CEP192: variants seen among roughly 807,000 people sequenced by gnomAD.
CEP192 encodes centrosomal protein 192.
A neutral mutation model predicts 271.8 loss-of-function variants in CEP192; 151 were observed. That is an observed-to-expected ratio of 0.56 (90% CI 0.49 to 0.64). CEP192 has a LOEUF of 0.64. Ranked by LOEUF, CEP192 falls within the 30% of genes least tolerant of loss-of-function variation. The pLI, the probability that CEP192 is intolerant of heterozygous loss-of-function variation, is 0.00. For missense variants in CEP192, 2,910 were observed against 3,020.5 expected (o/e 0.96, Z 0.86); for synonymous variants, 995 against 1,076.5 (o/e 0.92, Z 1.48).
At chr18:13,048,320 G>A (rs1446377674) in intron 15 of CEP192, among the ~76,000 whole-genome samples, 3 of 152,116 alleles carry the variant, frequency 2.0e-5, no homozygotes, top group African/African-American at 4.8e-5. Flanking sequence ...CTTGTTGCCC[G>A]TTAGTCACTT....
At chr18:13,022,998 G>A (rs1478773616) in intron 9 of CEP192, among the ~76,000 whole-genome samples, 29 of 152,176 alleles carry the variant, frequency 1.9e-4, no homozygotes, top group Admixed American at 1.9e-3. Flanking sequence ...CATTGCTAGT[G>A]TATAGGAAAG....
Position 13,105,107 on chromosome 18 carries a change from A to T in CEP192, c.7047+28A>T, listed in dbSNP as rs191013396. The stretch of plus-strand genomic sequence containing the variant: ...AGGTTTTGATATTTTTTTCCATAGG[A>T]ACATCATGTAAATTGTCCAGGAGTG... On this transcript the variant is annotated intron_variant, in intron 40 of 44. Coordinates refer to ENST00000506447, the MANE Select transcript of CEP192 (RefSeq NM_032142.4). The T allele has an allele frequency of 1.3e-5, 19 of 1,492,256 alleles. No homozygotes were observed. In the East Asian group the frequency reaches 2.7e-4, roughly 21 times the overall value. 92.4% of individuals were successfully genotyped at this position (1,492,256 alleles called of 1,614,324 possible). A position where few individuals can be genotyped will look rare whatever the true frequency, so the allele number is the denominator to read the frequency against.
chr18:13,084,575 C>T (rs1167512841), intron 30 of CEP192, among the ~76,000 whole-genome samples: 1 of 152,192 alleles, frequency 6.6e-6, no homozygotes, highest in African/African-American at 2.4e-5. Context: ...ACCCCTTGTG[C>T]TTCCCGGGTG....
rs79205034 is a variant in CEP192 at position 13,088,916 on chromosome 18, T to G, written c.5994-540T>G. ...AATCACATTATGAGGTATTCTGATG[T>G]TTTTTTTTCTCTCAATTGGGATATA... On this transcript the variant is annotated intron_variant, in intron 32 of 44. Transcript: ENST00000506447. 113 of 441,044 alleles carry G rather than the reference T, an allele frequency of 2.6e-4. 1 individual carries two copies. The East Asian group carries it at 7.0e-3, about 27-fold the overall frequency. The allele number at this position is 441,044 out of a possible 1,614,324, so 27.3% of individuals were successfully genotyped here.
intron 35 of CEP192, 69 bp from the exon 36 acceptor site, chr18:13,096,115 T>A: frequency 1.3e-6 from 2 of 1,506,366 alleles, no homozygotes; most frequent in Non-Finnish European, 1.8e-6. Context: ...TCTGGTTTAT[T>A]AGTTGTTAAT....
In CEP192 at chr18:12,994,444, G is replaced by A. The variant is rs148596628; in HGVS notation, c.-5+3007G>A. Reference sequence around the variant, plus strand: ...AATGAGCCTGAGAGGGTGGGAGAGAGTGACAGGCCTCATAGAGTTTTCAGG... The same window carrying A: ...AATGAGCCTGAGAGGGTGGGAGAGAATGACAGGCCTCATAGAGTTTTCAGG... On this transcript the variant is annotated intron_variant, in intron 1 of 44. Coordinates refer to ENST00000506447, the MANE Select transcript of CEP192 (RefSeq NM_032142.4). Among the ~76,000 whole-genome samples the A allele has an allele frequency of 3.4e-4, 52 of 152,150 alleles. 3 individuals are homozygous for A. The East Asian group carries it at 9.5e-3, about 28-fold the overall frequency.
intron 4 of CEP192, 56 bp from the exon 5 acceptor site, chr18:13,012,917 G>T: frequency 1.1e-6 from 1 of 898,504 alleles, no homozygotes. Flanking sequence ...GTATCGTTGG[G>T]TATTTGGTTG....
intron 10 of CEP192, 66 bp downstream of exon 10, chr18:13,030,068 T>C: frequency 8.2e-7 from 1 of 1,221,748 alleles, no homozygotes; most frequent in Non-Finnish European, 1.1e-6. Flanking sequence ...ATAGGACATA[T>C]TTTCATGTGA....
At chr18:13,109,229 T>A (rs2040095629) in intron 40 of CEP192, among the ~76,000 whole-genome samples, 2 of 152,212 alleles carry the variant, frequency 1.3e-5, no homozygotes, top group African/African-American at 4.8e-5. Flanking sequence ...TAGAATCAAA[T>A]CATGACCTTT....
intron 21 of CEP192, among the ~76,000 whole-genome samples, chr18:13,067,569 G>T (rs1009283751): frequency 2.0e-5 from 3 of 152,130 alleles, no homozygotes; most frequent in Non-Finnish European, 2.9e-5. Flanking sequence ...AAAATTATCA[G>T]TTCATCTTAA....
In CEP192 at chr18:13,049,857, TCTC is replaced by T; in HGVS notation, c.2986_2988del (p.Pro996del). 1 of 1,614,040 alleles carries T rather than the reference TCTC, an allele frequency of 6.2e-7. No individual in the cohort carries two copies. The highest frequency in any genetic ancestry group is 8.5e-7 in the Non-Finnish European group (1 of 1,179,938). ...TTCCACGTCACCACTGAGTCATTCT[TCTC>T]CTAGTGAAATTTCTGGAACGAGTTC... On this transcript the variant is annotated inframe_deletion, in exon 17 of 45. Transcript: ENST00000506447.
intron 1 of CEP192, among the ~76,000 whole-genome samples, chr18:12,996,594 G>A (rs188245476): frequency 2.0e-5 from 3 of 152,274 alleles, no homozygotes; most frequent in Admixed American, 6.5e-5. Context: ...GTTGATGGAA[G>A]AAGTTGAAGA....
chr18:13,059,188 T>C lies in CEP192; in HGVS notation c.4364T>C (p.Val1455Ala), dbSNP rs1568353718. 1 of 1,613,610 alleles carries C rather than the reference T, an allele frequency of 6.2e-7. No homozygotes were observed. Among genetic ancestry groups the C allele is most frequent in the Non-Finnish European group, 8.5e-7 (1 of 1,179,890 alleles). Residue 1455 changes from valine (V) to alanine (A), a missense_variant, in exon 21 of 45, where the codon GTT (valine) becomes GCT (alanine). Coordinates refer to ENST00000506447, the MANE Select transcript of CEP192 (RefSeq NM_032142.4). ...CTTTTTATACCATCCAGTCCTGGGGTTTTCAGATGCACATTCAGTGTTGCT... is the reference window on the plus strand; with the variant it reads ...CTTTTTATACCATCCAGTCCTGGGGCTTTCAGATGCACATTCAGTGTTGCT... ...KVLFIPSSPG[V>A]FRCTFSVASW...
chr18:13,120,188 T>C (rs1418378646), intron 44 of CEP192, among the ~76,000 whole-genome samples: 2 of 152,258 alleles, frequency 1.3e-5, no homozygotes, highest in Non-Finnish European at 2.9e-5. Context: ...TGGCAGAGTC[T>C]ATTTCTGATA....
At chr18:12,999,643 G>A in intron 2 of CEP192, 55 bp downstream of exon 2, 1 of 1,261,400 alleles carries the variant, frequency 7.9e-7, no homozygotes, top group Non-Finnish European at 1.1e-6. Flanking sequence ...ATAGCATGCT[G>A]ATATTTATGT....
Position 13,069,727 on chromosome 18 carries a change from A to G in CEP192, c.5056-11A>G. 1 of 1,437,782 alleles carries G rather than the reference A, an allele frequency of 7.0e-7. No homozygotes were observed. The highest frequency in any genetic ancestry group is 2.3e-5 in the East Asian group (1 of 43,846). The allele number at this position is 1,437,782 out of a possible 1,614,324, so 89.1% of individuals were successfully genotyped here. On this transcript the variant is annotated splice_polypyrimidine_tract_variant and intron_variant, in intron 26 of 44. Transcript: ENST00000506447. ...GTCGGCATTCAATTATGATTATGTAACTATATTTAGGTCCCAGAACAAGGA... is the reference window on the plus strand; with the variant it reads ...GTCGGCATTCAATTATGATTATGTAGCTATATTTAGGTCCCAGAACAAGGA...
chr18:13,071,827 A>T (rs950221009), intron 28 of CEP192, among the ~76,000 whole-genome samples: 16 of 152,144 alleles, frequency 1.1e-4, no homozygotes, highest in Non-Finnish European at 1.5e-5. Context: ...CACTTCACTC[A>T]AGCAATAACT....
chr18:13,035,659 C>T (rs2035879115), intron 11 of CEP192, among the ~76,000 whole-genome samples: 1 of 152,170 alleles, frequency 6.6e-6, no homozygotes, highest in African/African-American at 2.4e-5. Flanking sequence ...TACTTCCCTT[C>T]TCTTGGCTGT....
At chr18:13,083,170 C>T (rs2038715065) in intron 30 of CEP192, among the ~76,000 whole-genome samples, 1 of 152,146 alleles carries the variant, frequency 6.6e-6, no homozygotes, top group African/African-American at 2.4e-5. Context: ...GTTGGCCTGC[C>T]TTGCTAGGTG....
Sources: allele counts gnomAD v4.1 joint callset (sites outside exome capture counted in the v4.1 genomes callset), GRCh38; gene constraint gnomAD v4.1.1; transcripts MANE v1.5; gene names NCBI Gene and HGNC (gene_info 2026-07-23, HGNC 2026-07-21).